Variants in CCDC149 observed in about 807,000 individuals in gnomAD.
CCDC149 encodes the protein coiled-coil domain containing 149, also known as coiled-coil domain-containing protein 149.
In CCDC149, 45 loss-of-function variants were observed where a neutral mutation model predicts 59.9. The ratio of observed to expected loss-of-function variants is 0.75; its 90% CI spans 0.59 to 0.96. The LOEUF (loss-of-function observed/expected upper bound fraction) is 0.96, where lower values mean the gene tolerates loss of function less well. Among genes scored for constraint, CCDC149 ranks in the 40% least tolerant of loss-of-function variants. The pLI, the probability that CCDC149 is intolerant of heterozygous loss-of-function variation, is 0.00. For missense variants in CCDC149, 584 were observed against 664.7 expected (o/e 0.88, Z 1.33); for synonymous variants, 245 against 260.6 (o/e 0.94, Z 0.58).
chr4:24,945,951 T>C (rs1393248101), intron 1 of CCDC149, among the ~76,000 whole-genome samples: 1 of 152,198 alleles, frequency 6.6e-6, no homozygotes, highest in African/African-American at 2.4e-5. Flanking sequence ...CAAGTGATGC[T>C]GATGCTGTTG....
At chr4:24,954,077 AAGAG>A (rs1205376824) in intron 1 of CCDC149, among the ~76,000 whole-genome samples, 2 of 152,162 alleles carry the variant, frequency 1.3e-5, no homozygotes, top group African/African-American at 4.8e-5. Context: ...CCAGAAGGAG[AAGAG>A]AGAGAAAGGG....
chr4:24,845,704 TCAA>T (rs551410766), intron 4 of CCDC149, among the ~76,000 whole-genome samples: 393 of 152,322 alleles, frequency 2.6e-3, no homozygotes, highest in Non-Finnish European at 4.4e-3. Context: ...CAGTCTGTCC[TCAA>T]CAAATACATG....
At chr4:24,825,266 C>T (rs66620635) in intron 9 of CCDC149, among the ~76,000 whole-genome samples, 17,744 of 152,180 alleles carry the variant, frequency 0.12, 1,193 homozygotes, top group Admixed American at 0.16. Flanking sequence ...CATACATGGA[C>T]GGTGCAGTGG....
intron 9 of CCDC149, among the ~76,000 whole-genome samples, chr4:24,824,187 G>T (rs1044957731): frequency 6.6e-6 from 1 of 152,318 alleles, no homozygotes; most frequent in Non-Finnish European, 1.5e-5. Flanking sequence ...TTTTTCTGAT[G>T]TTTCGGGATA....
At chr4:24,972,105 C>T (rs1046379031) in intron 1 of CCDC149, among the ~76,000 whole-genome samples, 1 of 152,164 alleles carries the variant, frequency 6.6e-6, no homozygotes, top group Non-Finnish European at 1.5e-5. Context: ...ACCTTGGGCA[C>T]ATTCTCAGAA....
At chr4:24,957,937 C>A (rs1723515265) in intron 1 of CCDC149, among the ~76,000 whole-genome samples, 1 of 152,154 alleles carries the variant, frequency 6.6e-6, no homozygotes, top group Admixed American at 6.6e-5. Context: ...AGTATAGTAT[C>A]TTCATATAGT....
intron 4 of CCDC149, among the ~76,000 whole-genome samples, chr4:24,839,925 C>T (rs1716833357): frequency 6.6e-6 from 1 of 152,180 alleles, no homozygotes; most frequent in Admixed American, 6.5e-5. Flanking sequence ...CCGACCCAGC[C>T]AGGAGTGCCC....
intron 1 of CCDC149, among the ~76,000 whole-genome samples, chr4:24,962,751 G>A (rs1433276622): frequency 6.6e-6 from 1 of 151,896 alleles, no homozygotes; most frequent in Non-Finnish European, 1.5e-5. Flanking sequence ...GAGGAGGGGG[G>A]AGGGATAGCA....
At chr4:24,970,770 C>G (rs2109367052) in intron 1 of CCDC149, among the ~76,000 whole-genome samples, 1 of 152,224 alleles carries the variant, frequency 6.6e-6, no homozygotes, top group Non-Finnish European at 1.5e-5. Context: ...ACTGTTCTCC[C>G]CATGTTGCCC....
At chr4:24,978,749 T>C (rs1209129963) in intron 1 of CCDC149, among the ~76,000 whole-genome samples, 1 of 152,200 alleles carries the variant, frequency 6.6e-6, no homozygotes, top group Non-Finnish European at 1.5e-5. Flanking sequence ...CTGTGTGCTT[T>C]TCACAGCTGA....
At chr4:24,887,221 G>T (rs577053213) in intron 1 of CCDC149, among the ~76,000 whole-genome samples, 1 of 147,796 alleles carries the variant, frequency 6.8e-6, no homozygotes, top group Non-Finnish European at 1.5e-5. Flanking sequence ...TACTATTTGG[G>T]TGGCTTTATA....
intron 1 of CCDC149, 81 bp from the exon 2 acceptor site, chr4:24,876,778 T>G (rs2109249187): frequency 7.2e-7 from 1 of 1,386,886 alleles, no homozygotes; most frequent in East Asian, 2.5e-5. Flanking sequence ...TCACACACCC[T>G]GTGGGGAATT....
At chr4:24,835,987 A>G (rs1716493752) in intron 7 of CCDC149, among the ~76,000 whole-genome samples, 1 of 152,220 alleles carries the variant, frequency 6.6e-6, no homozygotes, top group African/African-American at 2.4e-5. Context: ...CATGAACATG[A>G]TGGTTTAGAC....
chr4:24,914,008 T>C (rs551711999), upstream of CCDC149, among the ~76,000 whole-genome samples: 13 of 152,294 alleles, frequency 8.5e-5, no homozygotes, highest in East Asian at 2.5e-3. Context: ...AGCAAGTAGG[T>C]TGAGAAGTTG....
intron 1 of CCDC149, among the ~76,000 whole-genome samples, chr4:24,958,885 T>C (rs6857480): frequency 0.18 from 26,749 of 151,832 alleles, 3,176 homozygotes; most frequent in African/African-American, 0.32. Flanking sequence ...TATAGCCAGG[T>C]GTGGTGGCAC....
intron 1 of CCDC149, among the ~76,000 whole-genome samples, chr4:24,928,335 G>T (rs1325239631): frequency 6.6e-6 from 1 of 152,224 alleles, no homozygotes; most frequent in Admixed American, 6.5e-5. Context: ...TGTTGATGAT[G>T]CAGGTGCCCA....
At chr4:24,978,761 A>G (rs1724330033) in intron 1 of CCDC149, among the ~76,000 whole-genome samples, 1 of 152,160 alleles carries the variant, frequency 6.6e-6, no homozygotes, top group Non-Finnish European at 1.5e-5. Context: ...CACAGCTGAA[A>G]TGCTGGCAAT....
At chr4:24,867,264 T>C (rs552196024) in intron 3 of CCDC149, among the ~76,000 whole-genome samples, 79 of 152,346 alleles carry the variant, frequency 5.2e-4, no homozygotes, top group African/African-American at 1.9e-3. Context: ...ATGTCCACTA[T>C]GAACAGGAGG....
At chr4:24,840,743 A>G (rs1440388091) in intron 4 of CCDC149, among the ~76,000 whole-genome samples, 1 of 152,200 alleles carries the variant, frequency 6.6e-6, no homozygotes, top group Non-Finnish European at 1.5e-5. Flanking sequence ...TGGAGACAAT[A>G]TGAGTGTTAG....
Sources: gnomAD v4.1 joint callset for allele counts (sites outside exome capture counted in the v4.1 genomes callset) on GRCh38, gnomAD v4.1.1 for gene constraint, MANE v1.5 for transcripts, NCBI Gene and HGNC (gene_info 2026-07-23, HGNC 2026-07-21) for gene names.